EPHA7: variants seen among roughly 807,000 people sequenced by gnomAD.
EPHA7 encodes the protein ephrin type-A receptor 7.
Under a neutral mutation model 112.6 loss-of-function variants are expected in EPHA7, and 25 were observed. The ratio of observed to expected loss-of-function variants is 0.22; its 90% CI spans 0.16 to 0.31. The LOEUF is 0.31. Among genes scored for constraint, EPHA7 ranks in the 10% least tolerant of loss-of-function variants. The pLI, the probability that EPHA7 is intolerant of heterozygous loss-of-function variation, is 1.00. For missense variants in EPHA7, 962 were observed against 1,212.6 expected, an observed-to-expected ratio of 0.79 and a Z score of 3.07; for synonymous variants, 437 against 406.5, an observed-to-expected ratio of 1.07 and a Z score of -0.90.
intron 3 of EPHA7, among the ~76,000 whole-genome samples, chr6:93,370,986 AT>A (rs1279569566): frequency 6.7e-6 from 1 of 150,004 alleles, no homozygotes; most frequent in Admixed American, 6.6e-5. Context: ...TCTACGAAAA[AT>A]ACAAAAAAAA....
chr6:93,270,413 A>G (rs1771155772), intron 6 of EPHA7, among the ~76,000 whole-genome samples: 1 of 151,482 alleles, frequency 6.6e-6, no homozygotes, highest in Non-Finnish European at 1.5e-5. Flanking sequence ...AAGATTAAGA[A>G]GGGAATAAAT....
chr6:93,287,615 C>T (rs1772135193), intron 5 of EPHA7, among the ~76,000 whole-genome samples: 1 of 150,962 alleles, frequency 6.6e-6, no homozygotes, highest in Non-Finnish European at 1.5e-5. Flanking sequence ...GTTTGTTGTA[C>T]AGATTATTTC....
At chr6:93,265,997 A>G (rs1185586031) in intron 7 of EPHA7, among the ~76,000 whole-genome samples, 1 of 151,730 alleles carries the variant, frequency 6.6e-6, no homozygotes, top group Non-Finnish European at 1.5e-5. Flanking sequence ...GCTCTGGTCT[A>G]ATAGATACTT....
At chr6:93,277,091 G>A (rs1261256497) in intron 5 of EPHA7, among the ~76,000 whole-genome samples, 1 of 151,994 alleles carries the variant, frequency 6.6e-6, no homozygotes, top group Non-Finnish European at 1.5e-5. Flanking sequence ...CCTGCTAATA[G>A]TAGAATGATG....
chr6:93,352,835 A>T (rs1203895979), intron 5 of EPHA7, among the ~76,000 whole-genome samples: 44 of 152,142 alleles, frequency 2.9e-4, no homozygotes, highest in Admixed American at 2.9e-3. Flanking sequence ...TAACACAGGA[A>T]GAGAAAACCA....
At chr6:93,371,307 A>G (rs750093944) in intron 3 of EPHA7, among the ~76,000 whole-genome samples, 2 of 152,234 alleles carry the variant, frequency 1.3e-5, no homozygotes, top group Non-Finnish European at 2.9e-5. Context: ...TACAAATTTT[A>G]AAAACAACAC....
intron 3 of EPHA7, among the ~76,000 whole-genome samples, chr6:93,391,354 G>C (rs973623885): frequency 6.6e-6 from 1 of 151,874 alleles, no homozygotes; most frequent in Admixed American, 6.6e-5. Flanking sequence ...AACCAAAAGA[G>C]ACAACTGGCA....
chr6:93,339,343 G>T (rs1402550597), intron 5 of EPHA7, among the ~76,000 whole-genome samples: 1 of 151,654 alleles, frequency 6.6e-6, no homozygotes, highest in Non-Finnish European at 1.5e-5. Context: ...TGAGACTGAA[G>T]ACAACATTAA....
chr6:93,373,172 A>C (rs987580623), intron 3 of EPHA7, among the ~76,000 whole-genome samples: 7 of 151,930 alleles, frequency 4.6e-5, no homozygotes, highest in Non-Finnish European at 7.4e-5. Context: ...CTTTGGAATT[A>C]ACAGCTAGAA....
chr6:93,347,500 T>G (rs1775460276), intron 5 of EPHA7, among the ~76,000 whole-genome samples: 1 of 151,862 alleles, frequency 6.6e-6, no homozygotes, highest in African/African-American at 2.4e-5. Context: ...ATAAATAAAA[T>G]TTTACATGCC....
rs1777633936 is a variant in EPHA7 at position 93,386,879 on chromosome 6, G to T, written c.832+23622C>A. ...CCTTTTAGCCACAGATGGAAGGGCT[G>T]GGATGGAGGGCACCAAGTCCCTAGG... On this transcript the variant is annotated intron_variant, in intron 3 of 16. Transcript: ENST00000369303. 1.3e-5 allele frequency among the ~76,000 whole-genome samples: 2 copies of T among 152,074 alleles called. 1 individual carries two copies. Among genetic ancestry groups the T allele is most frequent in the South Asian group, 4.1e-4 (2 of 4,824 alleles).
intron 3 of EPHA7, among the ~76,000 whole-genome samples, chr6:93,391,529 C>G (rs1028739329): frequency 6.6e-6 from 1 of 151,764 alleles, no homozygotes; most frequent in Non-Finnish European, 1.5e-5. Context: ...AGGCAAGGAG[C>G]CTGAACATGG....
chr6:93,366,286 A>G (rs1776504905), intron 3 of EPHA7, among the ~76,000 whole-genome samples: 1 of 152,156 alleles, frequency 6.6e-6, no homozygotes, highest in South Asian at 2.1e-4. Context: ...GTTCAAATAC[A>G]CTCCACCATT....
chr6:93,275,755 T>C (rs1467756751), intron 5 of EPHA7, among the ~76,000 whole-genome samples: 1 of 151,980 alleles, frequency 6.6e-6, no homozygotes, highest in Non-Finnish European at 1.5e-5. Flanking sequence ...GGTTTGTTAG[T>C]ATAAGGCTTT....
At chr6:93,335,719 A>G (rs1774834637) in intron 5 of EPHA7, among the ~76,000 whole-genome samples, 1 of 151,968 alleles carries the variant, frequency 6.6e-6, no homozygotes, top group African/African-American at 2.4e-5. Context: ...AGACATGGAA[A>G]CTACACTCTT....
At position 93,346,926 on chromosome 6, in the gene EPHA7, T is replaced by C. The variant is rs554139913; in HGVS notation, c.1324+9791A>G. Reference sequence around the variant, plus strand: ...TTTAGTAGATGAATATTCAGCTTACTTACAATGTCTACTACATAAACTCGC... The same window carrying C: ...TTTAGTAGATGAATATTCAGCTTACCTACAATGTCTACTACATAAACTCGC... On this transcript the variant is annotated intron_variant, in intron 5 of 16. Coordinates refer to ENST00000369303, the MANE Select transcript of EPHA7 (RefSeq NM_004440.4). 4.6e-5 allele frequency among the ~76,000 whole-genome samples: 7 copies of C among 152,010 alleles called. No homozygotes were observed. In the South Asian group the frequency reaches 8.3e-4, roughly 18 times the overall value.
chr6:93,277,203 T>C (rs1771511490), intron 5 of EPHA7, among the ~76,000 whole-genome samples: 1 of 152,028 alleles, frequency 6.6e-6, no homozygotes, highest in Non-Finnish European at 1.5e-5. Context: ...AGCTTAGTAT[T>C]TTAAAATATA....
At chr6:93,383,008 C>A (rs965586912) in intron 3 of EPHA7, among the ~76,000 whole-genome samples, 6 of 152,048 alleles carry the variant, frequency 3.9e-5, no homozygotes, top group Non-Finnish European at 8.8e-5. Flanking sequence ...AAGTCTTTAT[C>A]CTGTTTTAAG....
At chr6:93,324,382 C>T (rs1774218306) in intron 5 of EPHA7, among the ~76,000 whole-genome samples, 1 of 151,294 alleles carries the variant, frequency 6.6e-6, no homozygotes. Flanking sequence ...TCATAAACAT[C>T]AGTGCCACTA....
Sources: gnomAD v4.1 joint callset for allele counts (sites outside exome capture counted in the v4.1 genomes callset) on GRCh38, gnomAD v4.1.1 for gene constraint, MANE v1.5 for transcripts, NCBI Gene and HGNC (gene_info 2026-07-23, HGNC 2026-07-21) for gene names.